The following DGAT2 variants were observed in gnomAD, a reference collection of about 807,000 sequenced individuals.
DGAT2 encodes diacylglycerol O-acyltransferase 2.
A neutral mutation model predicts 48.4 loss-of-function variants in DGAT2; 33 were observed. The observed-to-expected ratio is 0.68, with a 90% CI of 0.52 to 0.91. DGAT2 has a LOEUF of 0.91. Among genes scored for constraint, DGAT2 ranks in the 40% least tolerant of loss-of-function variants. The probability of loss-of-function intolerance (pLI) is 0.00; values close to 1 mark genes in which losing one functional copy is unlikely to be tolerated. For missense variants in DGAT2, 446 were observed against 493.7 expected, an observed-to-expected ratio of 0.90 and a Z score of 0.92; for synonymous variants, 191 against 194.1, an observed-to-expected ratio of 0.98 and a Z score of 0.13.
chr11:75,795,144 C>A (rs1590875377), intron 4 of DGAT2: 1 of 152,066 alleles, frequency 6.6e-6, no homozygotes, highest in African/African-American at 2.4e-5. Context: ...TCCACCTCAG[C>A]CTCCTGAGTA....
chr11:75,769,350 C>CA (rs1398289591), intron 1 of DGAT2, among the ~76,000 whole-genome samples: 1 of 152,170 alleles, frequency 6.6e-6, no homozygotes, highest in Non-Finnish European at 1.5e-5. Flanking sequence ...AACTCCTCCC[C>CA]AGCCCCCACT....
chr11:75,789,584 T>C (rs1944961918), intron 2 of DGAT2, among the ~76,000 whole-genome samples: 1 of 152,166 alleles, frequency 6.6e-6, no homozygotes, highest in Admixed American at 6.5e-5. Flanking sequence ...CTAGTGATGG[T>C]CTGGGACTTT....
chr11:75,791,862 T>C (rs1241685085), intron 4 of DGAT2, among the ~76,000 whole-genome samples: 1 of 152,256 alleles, frequency 6.6e-6, no homozygotes, highest in Non-Finnish European at 1.5e-5. Context: ...GGGGTGTCTA[T>C]TGCATCCTGA....
At chr11:75,797,400 G>A in intron 6 of DGAT2, 68 bp downstream of exon 6, 1 of 1,359,386 alleles carries the variant, frequency 7.4e-7, no homozygotes, top group Middle Eastern at 2.7e-4. Context: ...AGACTCCTTG[G>A]CCCCTGAAGA....
chr11:75,770,012 A>G (rs1944741768), intron 1 of DGAT2, among the ~76,000 whole-genome samples: 1 of 152,210 alleles, frequency 6.6e-6, no homozygotes, highest in African/African-American at 2.4e-5. Flanking sequence ...AAGCTTGCTA[A>G]TTATGGAATT....
In DGAT2 at chr11:75,790,111, ACACT is replaced by A. The variant is rs1290424924; in HGVS notation, c.251-71_251-68del. ...TGTGCCTAGCTTAGTGCCACAGTAA[ACACT>A]CACTCCATCCACCATGGCCCAGAGG... On this transcript the variant is annotated intron_variant, in intron 2 of 7. Transcript: ENST00000228027. 5.6e-6 allele frequency: 6 copies of A among 1,080,426 alleles called. No individual in the cohort carries two copies. The African/African-American group carries it at 6.2e-5, about 11-fold the overall frequency. The allele number at this position is 1,080,426 out of a possible 1,614,324, so 66.9% of individuals were successfully genotyped here.
chr11:75,779,398 T>G (rs1443436089), intron 1 of DGAT2, among the ~76,000 whole-genome samples: 1 of 152,164 alleles, frequency 6.6e-6, no homozygotes, highest in Non-Finnish European at 1.5e-5. Context: ...CTTCTTTAAG[T>G]CCTGGCTCCC....
chr11:75,779,700 G>A (rs773537683), intron 1 of DGAT2, among the ~76,000 whole-genome samples: 10 of 152,180 alleles, frequency 6.6e-5, no homozygotes, highest in Non-Finnish European at 1.3e-4. Flanking sequence ...GTCTTCTGTT[G>A]GGAATCTTCC....
At position 75,800,472 on chromosome 11, in the gene DGAT2, C is replaced by T. The variant is rs148751558; in HGVS notation, c.1131C>T (p.Phe377=). The T allele has an allele frequency of 2.6e-5, 42 of 1,614,160 alleles. No homozygotes were observed. Among genetic ancestry groups the T allele is most frequent in the African/African-American group, 2.3e-4 (17 of 75,054 alleles). Reference sequence around the variant, plus strand: ...TCTTCGACAAGCACAAGACCAAGTTCGGCCTCCCGGAGACTGAGGTCCTGG... The same window carrying T: ...TCTTCGACAAGCACAAGACCAAGTTTGGCCTCCCGGAGACTGAGGTCCTGG... ...VKLFDKHKTK[F]GLPETEVLEV... Residue 377 remains phenylalanine (F), a synonymous_variant, in exon 8 of 8, where the codon TTC becomes TTT. Coordinates refer to ENST00000228027, the MANE Select transcript of DGAT2 (RefSeq NM_032564.5).
intron 2 of DGAT2, among the ~76,000 whole-genome samples, chr11:75,788,414 T>A (rs1280570874): frequency 2.6e-5 from 4 of 152,230 alleles, no homozygotes; most frequent in Non-Finnish European, 4.4e-5. Flanking sequence ...TTCTGCGATG[T>A]CACACCCCTA....
chr11:75,787,891 G>C (rs1944938644), intron 2 of DGAT2, among the ~76,000 whole-genome samples: 1 of 152,118 alleles, frequency 6.6e-6, no homozygotes, highest in Non-Finnish European at 1.5e-5. Context: ...GGGGAGGGGA[G>C]GGAGCCCCCA....
chr11:75,790,734 A>G lies in DGAT2; in HGVS notation c.429+3A>G, dbSNP rs768840870. 8 of 1,614,014 alleles carry G rather than the reference A, an allele frequency of 5.0e-6. No homozygotes were observed. In the South Asian group the frequency reaches 5.5e-5, roughly 11 times the overall value. On this transcript the variant is annotated splice_donor_region_variant and intron_variant, in intron 4 of 7. Coordinates refer to ENST00000228027, the MANE Select transcript of DGAT2 (RefSeq NM_032564.5). ...TTCGAGACTACTTTCCCATCCAGGT[A>G]AAGTGCTGTGAGTGTTGTTTTGGGA...
chr11:75,785,682 G>A (rs1346360481), intron 2 of DGAT2, among the ~76,000 whole-genome samples: 1 of 152,212 alleles, frequency 6.6e-6, no homozygotes, highest in Non-Finnish European at 1.5e-5. Context: ...CAGTGCCTGT[G>A]AGCCAGTCCC....
At chr11:75,777,097 A>C (rs563732855) in intron 1 of DGAT2, among the ~76,000 whole-genome samples, 1 of 152,244 alleles carries the variant, frequency 6.6e-6, no homozygotes, top group Admixed American at 6.5e-5. Flanking sequence ...AGATGGGCCC[A>C]GGTGTGGCAT....
intron 4 of DGAT2, chr11:75,796,120 A>G: frequency 1.7e-6 from 1 of 601,988 alleles, no homozygotes; most frequent in South Asian, 1.9e-5. Flanking sequence ...ACCCCTTCCC[A>G]GAGACCCACA....
At chr11:75,790,861 T>G in intron 4 of DGAT2, 130 bp downstream of exon 4, 1 of 882,204 alleles carries the variant, frequency 1.1e-6, no homozygotes, top group Non-Finnish European at 1.8e-6. Flanking sequence ...ACTGTGTCAC[T>G]GGCTGTGCTG....
intron 2 of DGAT2, among the ~76,000 whole-genome samples, chr11:75,789,624 C>T (rs576651000): frequency 4.6e-5 from 7 of 152,320 alleles, no homozygotes; most frequent in South Asian, 4.1e-4. Flanking sequence ...ATACAGAGAA[C>T]GGACTGTAGA....
chr11:75,782,344 AG>A (rs1310867821), intron 1 of DGAT2, among the ~76,000 whole-genome samples: 1 of 152,228 alleles, frequency 6.6e-6, no homozygotes, highest in Non-Finnish European at 1.5e-5. Context: ...ACCCGCTCCC[AG>A]GTGATGCTGA....
At chr11:75,770,000 T>C (rs1944741518) in intron 1 of DGAT2, among the ~76,000 whole-genome samples, 1 of 152,210 alleles carries the variant, frequency 6.6e-6, no homozygotes, top group South Asian at 2.1e-4. Flanking sequence ...GTTACAAAAA[T>C]AAAGCTTGCT....
Sources: allele counts gnomAD v4.1 joint callset (sites outside exome capture counted in the v4.1 genomes callset), GRCh38; gene constraint gnomAD v4.1.1; transcripts MANE v1.5; gene names NCBI Gene and HGNC (gene_info 2026-07-23, HGNC 2026-07-21).